Variants in COL5A2 observed in about 807,000 individuals in gnomAD.
The protein encoded by COL5A2 is collagen type V alpha 2 chain.
A neutral mutation model predicts 208.2 loss-of-function variants in COL5A2; 23 were observed. That is an observed-to-expected ratio of 0.11 (90% CI 0.08 to 0.16). The LOEUF (loss-of-function observed/expected upper bound fraction) is 0.16, where lower values mean the gene tolerates loss of function less well. Ranked by LOEUF, COL5A2 falls within the 10% of genes least tolerant of loss-of-function variation. The pLI is 1.00. For synonymous variants in COL5A2, 625 were observed against 628.5 expected (o/e 0.99, Z 0.08); for missense variants, 1,590 against 1,956.4 (o/e 0.81, Z 3.53).
rs1042240154 is a variant in COL5A2, at chr2:189,088,638, T to C, written c.645+57A>G. On this transcript the variant is annotated intron_variant, in intron 8 of 53. Transcript: ENST00000374866. The stretch of plus-strand genomic sequence containing the variant: ...TTGACTAGTTAACTCAAGATTCTCT[T>C]TTTAAAATAATTTTTTTCACTGAAG... 16 of 1,340,492 alleles carry C rather than the reference T, an allele frequency of 1.2e-5. No homozygotes were observed. In the African/African-American group the frequency reaches 2.2e-4, roughly 18 times the overall value. 83.0% of individuals were successfully genotyped at this position (1,340,492 alleles called of 1,614,324 possible).
chr2:189,377,821 T>C, the COL5A2 span, among the ~76,000 whole-genome samples: 5 of 152,232 alleles, frequency 3.3e-5, no homozygotes, highest in Non-Finnish European at 2.9e-5. Context: ...ACAAGCATGA[T>C]TATTTGTTTC....
chr2:189,409,181 T>G, the COL5A2 span, among the ~76,000 whole-genome samples: 3 of 150,874 alleles, frequency 2.0e-5, no homozygotes, highest in African/African-American at 4.8e-5. Context: ...GCCTGACATT[T>G]TATAGATTTT....
chr2:189,142,806 A>G (rs1687959404), intron 1 of COL5A2, among the ~76,000 whole-genome samples: 1 of 152,144 alleles, frequency 6.6e-6, no homozygotes, highest in South Asian at 2.1e-4. Flanking sequence ...TGGCCCAATA[A>G]CAACTTTGTC....
chr2:189,120,781 T>C (rs944812093), intron 1 of COL5A2, among the ~76,000 whole-genome samples: 8 of 152,210 alleles, frequency 5.3e-5, no homozygotes, highest in Non-Finnish European at 1.5e-5. Flanking sequence ...AGTTTAGAGA[T>C]CCTCTGTGTG....
the COL5A2 span, among the ~76,000 whole-genome samples, chr2:189,279,775 T>C: frequency 1.3e-5 from 2 of 152,104 alleles, no homozygotes; most frequent in African/African-American, 2.4e-5. Flanking sequence ...TAGGAAGATA[T>C]ACTACTGGGC....
intron 1 of COL5A2, among the ~76,000 whole-genome samples, chr2:189,166,075 C>G (rs1688457903): frequency 6.6e-6 from 1 of 152,022 alleles, no homozygotes; most frequent in South Asian, 2.1e-4. Flanking sequence ...CTAAATAAAT[C>G]CCCCAAGACA....
At chr2:189,124,665 T>C (rs1687574478) in intron 1 of COL5A2, among the ~76,000 whole-genome samples, 2 of 152,046 alleles carry the variant, frequency 1.3e-5, no homozygotes, top group Admixed American at 1.3e-4. Context: ...ATTACATTCA[T>C]GTTTTCATTT....
At chr2:189,160,032 G>T (rs1358502650) in intron 1 of COL5A2, among the ~76,000 whole-genome samples, 2 of 152,002 alleles carry the variant, frequency 1.3e-5, no homozygotes, top group Non-Finnish European at 2.9e-5. Flanking sequence ...ATAATTTTCA[G>T]GTAACATAGA....
chr2:189,316,153 T>C, the COL5A2 span, among the ~76,000 whole-genome samples: 2 of 152,280 alleles, frequency 1.3e-5, no homozygotes, highest in East Asian at 3.9e-4. Flanking sequence ...TAAAGACACA[T>C]GCACATGTAT....
intron 11 of COL5A2, 22 bp from the exon 12 acceptor site, chr2:189,084,059 A>C (rs1323166376): frequency 1.9e-6 from 3 of 1,579,858 alleles, no homozygotes; most frequent in South Asian, 2.2e-5. Flanking sequence ...AAAATGTAGG[A>C]GATTGGGAAG....
At chr2:189,189,684 G>GTATA (rs10680299) in intron 1 of COL5A2, among the ~76,000 whole-genome samples, 450 of 150,702 alleles carry the variant, frequency 3.0e-3, no homozygotes, top group Non-Finnish European at 3.1e-3. Flanking sequence ...ATGTGTGCAT[G>GTATA]TATATATATA....
At chr2:189,192,345 C>T (rs772713513) in intron 1 of COL5A2, among the ~76,000 whole-genome samples, 1 of 152,174 alleles carries the variant, frequency 6.6e-6, no homozygotes, top group Non-Finnish European at 1.5e-5. Flanking sequence ...TCTCATAGGA[C>T]TATTCTACAG....
At chr2:189,281,521 AAAG>A in the COL5A2 span, among the ~76,000 whole-genome samples, 21 of 152,308 alleles carry the variant, frequency 1.4e-4, no homozygotes, top group African/African-American at 4.6e-4. Context: ...AATAGTGACA[AAAG>A]AAGAATAATA....
At chr2:189,054,909 A>C (rs2105569151) in intron 35 of COL5A2, among the ~76,000 whole-genome samples, 1 of 149,722 alleles carries the variant, frequency 6.7e-6, no homozygotes, top group South Asian at 2.1e-4. Context: ...TTTGAGACGG[A>C]GTCTCGCTCT....
chr2:189,262,899 T>C, the COL5A2 span, among the ~76,000 whole-genome samples: 1 of 152,138 alleles, frequency 6.6e-6, no homozygotes, highest in Non-Finnish European at 1.5e-5. Context: ...ATATTCAACA[T>C]CTAGATATAA....
At chr2:189,128,081 A>G (rs1474000494) in intron 1 of COL5A2, among the ~76,000 whole-genome samples, 3 of 152,060 alleles carry the variant, frequency 2.0e-5, no homozygotes, top group Non-Finnish European at 4.4e-5. Flanking sequence ...CAATTAGTTG[A>G]GCCTATTAAT....
At chr2:189,401,528 G>A in the COL5A2 span, among the ~76,000 whole-genome samples, 1 of 152,086 alleles carries the variant, frequency 6.6e-6, no homozygotes, top group East Asian at 1.9e-4. Context: ...GTGAACATAC[G>A]GGTGCATGTA....
At chr2:189,440,566 C>T in the COL5A2 span, among the ~76,000 whole-genome samples, 2 of 152,194 alleles carry the variant, frequency 1.3e-5, no homozygotes, top group East Asian at 1.9e-4. Context: ...CCTTATGTGA[C>T]ATGTGACTAT....
chr2:189,420,525 T>A, the COL5A2 span, among the ~76,000 whole-genome samples: 1 of 152,140 alleles, frequency 6.6e-6, no homozygotes, highest in Non-Finnish European at 1.5e-5. Context: ...CCCAATAGTT[T>A]TAAAAATAAT....
Sources: gnomAD v4.1 joint callset for allele counts (sites outside exome capture counted in the v4.1 genomes callset) on GRCh38, gnomAD v4.1.1 for gene constraint, MANE v1.5 for transcripts, NCBI Gene and HGNC (gene_info 2026-07-23, HGNC 2026-07-21) for gene names.